USO1: variants seen among roughly 807,000 people sequenced by gnomAD.
The protein encoded by USO1 is general vesicular transport factor p115.
A neutral mutation model predicts 124.5 loss-of-function variants in USO1; 57 were observed. That is an observed-to-expected ratio of 0.46 (90% CI 0.37 to 0.57). The LOEUF is 0.57. USO1 is among the 20% of genes least tolerant of loss of function. The pLI, the probability that USO1 is intolerant of heterozygous loss-of-function variation, is 0.00. For synonymous variants in USO1, 369 were observed against 362.8 expected (o/e 1.02, Z -0.19); for missense variants, 900 against 1,040.6 (o/e 0.86, Z 1.86).
chr4:75,726,620 G>C (rs938060204), intron 1 of USO1, among the ~76,000 whole-genome samples: 2 of 151,330 alleles, frequency 1.3e-5, no homozygotes, highest in Non-Finnish European at 2.9e-5. Flanking sequence ...TAAAGCATAA[G>C]ATGAAAGCCG....
chr4:75,809,400 C>T (rs1466818958), intron 21 of USO1, among the ~76,000 whole-genome samples: 1 of 152,180 alleles, frequency 6.6e-6, no homozygotes, highest in Non-Finnish European at 1.5e-5. Context: ...TATAGGTAGA[C>T]TGAGAATTTT....
chr4:75,732,283 A>AT (rs1332704632), intron 1 of USO1, among the ~76,000 whole-genome samples: 1 of 152,140 alleles, frequency 6.6e-6, no homozygotes, highest in Non-Finnish European at 1.5e-5. Flanking sequence ...TCCTATATTA[A>AT]TTCGCTTAGG....
At position 75,738,955 on chromosome 4, in the gene USO1, C is replaced by T. The variant is rs184997961; in HGVS notation, c.67-13418C>T. Among the ~76,000 whole-genome samples the T allele has an allele frequency of 3.7e-3, 557 of 152,142 alleles. 5 individuals are homozygous for T. Among genetic ancestry groups the T allele is most frequent in the African/African-American group, 0.013 (541 of 41,498 alleles). ...GCAACCTCCACTTCCCGGGTTCAAGCGATTCTCCTGCCTCAGCCTCCCGAG... is the reference window on the plus strand; with the variant it reads ...GCAACCTCCACTTCCCGGGTTCAAGTGATTCTCCTGCCTCAGCCTCCCGAG... On this transcript the variant is annotated intron_variant, in intron 1 of 23. Transcript: ENST00000514213.
intron 1 of USO1, among the ~76,000 whole-genome samples, chr4:75,729,401 G>A (rs1461906630): frequency 2.0e-5 from 3 of 152,024 alleles, no homozygotes; most frequent in Non-Finnish European, 4.4e-5. Context: ...GTGCAGTGAC[G>A]TAATCTCGGC....
In USO1 at chr4:75,813,216, A is replaced by C; in HGVS notation, c.2810A>C (p.Glu937Ala). 6.2e-7 allele frequency: 1 copy of C among 1,608,834 alleles called. No homozygotes were observed. The highest frequency in any genetic ancestry group is 1.7e-4 in the Middle Eastern group (1 of 6,036). Residue 937 changes from glutamate (E) to alanine (A), a missense_variant, in exon 24 of 24, where the codon GAG becomes GCG. This residue lies in a region of USO1 where 362 missense variants were observed against 359.0 expected (regional missense o/e 1.01). Coordinates refer to ENST00000514213, the MANE Select transcript of USO1 (RefSeq NM_003715.4). ...GTCTTTTTCCTCTAGGTTGAAGAAG[A>C]GGATGAACTTGAATCTGGAGACCAA... ...LKDLGHPVEE[E>A]DELESGDQED...
At chr4:75,749,544 G>T (rs1721238151) in intron 1 of USO1, among the ~76,000 whole-genome samples, 1 of 151,518 alleles carries the variant, frequency 6.6e-6, no homozygotes, top group Non-Finnish European at 1.5e-5. Flanking sequence ...TATGACTACA[G>T]GCTCACACCA....
At chr4:75,757,772 A>G (rs955996438) in intron 4 of USO1, among the ~76,000 whole-genome samples, 199 bp downstream of exon 4, 1 of 152,136 alleles carries the variant, frequency 6.6e-6, no homozygotes, top group African/African-American at 2.4e-5. Flanking sequence ...AAGTCAGAAC[A>G]TTATAGTGAG....
Position 75,805,323 on chromosome 4 carries a change from A to G in USO1, c.2289+20A>G, listed in dbSNP as rs1722963735. 6.4e-7 allele frequency: 1 copy of G among 1,553,228 alleles called. No individual in the cohort carries two copies. Among genetic ancestry groups the G allele is most frequent in the South Asian group, 1.2e-5 (1 of 80,480 alleles). On this transcript the variant is annotated intron_variant, in intron 19 of 23. Transcript: ENST00000514213. The stretch of plus-strand genomic sequence containing the variant: ...AATATGGTAAAGTAAATGTTTAAGA[A>G]GTTAAAATAAGAGTTCAAGAGTGGT...
chr4:75,797,716 A>T (rs1413548945), intron 13 of USO1, among the ~76,000 whole-genome samples: 1 of 151,924 alleles, frequency 6.6e-6, no homozygotes, highest in Admixed American at 6.6e-5. Flanking sequence ...ATCTCGGCTC[A>T]CTGCAACCTC....
chr4:75,774,760 C>G lies in USO1; in HGVS notation c.640C>G (p.Leu214Val), dbSNP rs766161115. The part of the protein sequence containing the change: ...VAFENAFERL[L>V]DIISEEGNSD... The stretch of plus-strand genomic sequence containing the variant: ...TTTTGAAAATGCTTTCGAGAGACTA[C>G]TGGACATTATTTCAGAGGAGGGGAA... Residue 214 changes from leucine (L) to valine (V), a missense_variant, in exon 8 of 24, where the codon CTG becomes GTG. Around this residue, in one of 2 missense-constraint regions of USO1, gnomAD observed 538 missense variants for 681.6 expected, o/e 0.79. Coordinates refer to ENST00000514213, the MANE Select transcript of USO1 (RefSeq NM_003715.4). 6.2e-7 allele frequency: 1 copy of G among 1,613,676 alleles called. No individual in the cohort carries two copies. Among genetic ancestry groups the G allele is most frequent in the Admixed American group, 1.7e-5 (1 of 60,002 alleles).
chr4:75,764,383 G>A (rs947670478), intron 4 of USO1, among the ~76,000 whole-genome samples: 4 of 152,078 alleles, frequency 2.6e-5, no homozygotes, highest in African/African-American at 9.7e-5. Flanking sequence ...AATTTACACT[G>A]GTGTAGTAAG....
At chr4:75,791,349 C>T (rs1048484503) in intron 12 of USO1, among the ~76,000 whole-genome samples, 1 of 152,124 alleles carries the variant, frequency 6.6e-6, no homozygotes, top group East Asian at 1.9e-4. Context: ...CATGGTGAAA[C>T]CCCGTCTCTA....
intron 1 of USO1, among the ~76,000 whole-genome samples, chr4:75,727,989 A>G (rs1720513460): frequency 6.6e-6 from 1 of 152,130 alleles, no homozygotes; most frequent in Admixed American, 6.6e-5. Context: ...AATGTATTTT[A>G]ATCTTTGTTT....
rs1369252145 is a variant in USO1 at position 75,757,563 on chromosome 4, A to G, written c.285A>G (p.Glu95=). The change falls in exon 4 of 24, where the codon GAA becomes GAG. Residue 95 remains glutamate (E), a synonymous_variant. Transcript: ENST00000514213. ...TLYNIISNEE[E]EEVEENSTRQ... is the part of the protein sequence containing the mutation. ...ATAATATAATATCTAATGAAGAAGA[A>G]GAAGAAGTAGGTAAGTTTCCAGTTA... 3 of 1,490,010 alleles carry G rather than the reference A, an allele frequency of 2.0e-6. No individual in the cohort carries two copies. In the South Asian group the frequency reaches 4.1e-5, roughly 20 times the overall value. 92.3% of individuals were successfully genotyped at this position (1,490,010 alleles called of 1,614,324 possible).
chr4:75,738,763 G>A (rs1720867875), intron 1 of USO1, among the ~76,000 whole-genome samples: 1 of 152,120 alleles, frequency 6.6e-6, no homozygotes, highest in African/African-American at 2.4e-5. Flanking sequence ...TTACAGGTGA[G>A]AGTCACTGTG....
At chr4:75,771,056 AT>A in intron 6 of USO1, 25 bp from the exon 7 acceptor site, 3 of 1,603,412 alleles carry the variant, frequency 1.9e-6, no homozygotes, top group African/African-American at 2.7e-5. Context: ...GTCTGCCAGC[AT>A]TTTTCACATG....
intron 13 of USO1, among the ~76,000 whole-genome samples, chr4:75,794,701 G>A (rs1722631480): frequency 6.6e-6 from 1 of 152,124 alleles, no homozygotes; most frequent in African/African-American, 2.4e-5. Context: ...CCATAATAAT[G>A]TGGTTGTGTC....
chr4:75,759,749 A>G (rs1721549709), intron 4 of USO1, among the ~76,000 whole-genome samples: 1 of 151,804 alleles, frequency 6.6e-6, no homozygotes, highest in African/African-American at 2.4e-5. Context: ...TCTCTACTAA[A>G]AACACAAAAA....
intron 1 of USO1, among the ~76,000 whole-genome samples, chr4:75,746,043 A>C (rs777039685): frequency 1.3e-5 from 2 of 152,226 alleles, no homozygotes; most frequent in African/African-American, 2.4e-5. Context: ...CTAGTAGATA[A>C]TCCCTACGGT....
Sources: allele counts gnomAD v4.1 joint callset (sites outside exome capture counted in the v4.1 genomes callset), GRCh38; gene constraint gnomAD v4.1.1; regional missense constraint gnomAD v4.1.1; transcripts MANE v1.5; gene names NCBI Gene and HGNC (gene_info 2026-07-23, HGNC 2026-07-21).